Variants in EYA1 observed in about 807,000 individuals in gnomAD.
EYA1 encodes the protein protein phosphatase EYA1.
A neutral mutation model predicts 82.0 loss-of-function variants in EYA1; 16 were observed. The ratio of observed to expected loss-of-function variants is 0.20; its 90% CI spans 0.13 to 0.30. The LOEUF (loss-of-function observed/expected upper bound fraction) is 0.30. EYA1 is among the 10% of genes least tolerant of loss of function. The probability of loss-of-function intolerance (pLI) is 1.00; values close to 1 mark genes in which losing one functional copy is unlikely to be tolerated. For missense variants in EYA1, 633 were observed against 730.7 expected (o/e 0.87, Z 1.54); for synonymous variants, 261 against 264.4 (o/e 0.99, Z 0.12).
At chr8:71,545,913 CA>C (rs1037343160) in intron 1 of EYA1, among the ~76,000 whole-genome samples, 8 of 152,156 alleles carry the variant, frequency 5.3e-5, no homozygotes, top group African/African-American at 1.9e-4. Flanking sequence ...AAGGCCTTCA[CA>C]AATTCCAAAT....
intron 2 of EYA1, among the ~76,000 whole-genome samples, chr8:71,368,954 C>T (rs889126514): frequency 1.4e-5 from 2 of 148,036 alleles, no homozygotes; most frequent in African/African-American, 5.0e-5. Flanking sequence ...TTTGGGAGGT[C>T]GAGGCAGGTG....
chr8:71,215,374 A>C lies in EYA1; in HGVS notation c.1597+13T>G, dbSNP rs761460814. 11 of 1,611,464 alleles carry C rather than the reference A, an allele frequency of 6.8e-6. No homozygotes were observed. The highest frequency in any genetic ancestry group is 6.7e-5 in the Admixed American group (4 of 60,006). ...AAGAGCTGATTGTTAAAAAGAAAAGAAAAGCAGCTCACCTATTTTAGTTGC... is the reference window on the plus strand; with the variant it reads ...AAGAGCTGATTGTTAAAAAGAAAAGCAAAGCAGCTCACCTATTTTAGTTGC... On this transcript the variant is annotated intron_variant, in intron 16 of 17. Coordinates refer to ENST00000340726, the MANE Select transcript of EYA1 (RefSeq NM_000503.6).
intron 17 of EYA1, among the ~76,000 whole-genome samples, chr8:71,207,252 T>A (rs950292636): frequency 6.6e-6 from 1 of 152,228 alleles, no homozygotes; most frequent in Admixed American, 6.5e-5. Flanking sequence ...ACTTTAAAGA[T>A]ACTCATTATC....
At chr8:71,354,686 T>C (rs1187552304) in intron 3 of EYA1, 96 bp downstream of exon 3, 4 of 1,248,458 alleles carry the variant, frequency 3.2e-6, no homozygotes, top group Non-Finnish European at 3.5e-6. Context: ...AGTAGTTTTA[T>C]GATTTTGACA....
chr8:71,215,812 C>T, intron 14 of EYA1, 84 bp from the exon 15 acceptor site: 3 of 832,206 alleles, frequency 3.6e-6, no homozygotes, highest in Non-Finnish European at 2.0e-6. Flanking sequence ...TTAAAAAGTA[C>T]TATGAATACC....
intron 4 of EYA1, among the ~76,000 whole-genome samples, chr8:71,323,721 T>C (rs16937577): frequency 0.018 from 2,807 of 152,320 alleles, 81 homozygotes; most frequent in African/African-American, 0.064. Flanking sequence ...TTCCAGGTGC[T>C]GTGCTAGATG....
rs199702525 is a variant in EYA1, at chr8:71,405,715, C to T, written c.34-49204G>A. Among the ~76,000 whole-genome samples, 15 of 152,274 alleles carry T rather than the reference C, an allele frequency of 9.9e-5. No individual in the cohort carries two copies. In the East Asian group the frequency reaches 2.9e-3, roughly 29 times the overall value. The stretch of plus-strand genomic sequence containing the variant: ...TCCTTGGATATTAAGCTTCTATGAT[C>T]TGGGTGCTTTTCCGTTGTTATTTGA... On this transcript the variant is annotated intron_variant, in intron 2 of 18. Transcript: ENST00000643681.
intron 2 of EYA1, among the ~76,000 whole-genome samples, chr8:71,486,665 A>T (rs1425494669): frequency 2.0e-5 from 3 of 152,216 alleles, no homozygotes; most frequent in Admixed American, 2.0e-4. Context: ...GCCCAGAGCC[A>T]AGACCTGACA....
At chr8:71,209,762 G>A (rs768431669) in intron 17 of EYA1, among the ~76,000 whole-genome samples, 1 of 152,148 alleles carries the variant, frequency 6.6e-6, no homozygotes, top group East Asian at 1.9e-4. Flanking sequence ...GTGTAAGGAA[G>A]GGAATGGAAA....
chr8:71,287,601 T>C (rs1818528333), intron 9 of EYA1, among the ~76,000 whole-genome samples: 1 of 152,252 alleles, frequency 6.6e-6, no homozygotes, highest in South Asian at 2.1e-4. Flanking sequence ...ACCACTGGTT[T>C]AAGCTCCCCA....
rs367784729 is a variant in EYA1 at position 71,297,193 on chromosome 8, C to T, written c.826+1854G>A. On this transcript the variant is annotated intron_variant, in intron 9 of 17. Coordinates refer to ENST00000340726, the MANE Select transcript of EYA1 (RefSeq NM_000503.6). ...AATACAAGCTAAAATACATCATTCA[C>T]TCTTAAAACCATGGACCGATTTTGA... 3.9e-5 allele frequency among the ~76,000 whole-genome samples: 6 copies of T among 152,284 alleles called. No homozygotes were observed. In the East Asian group the frequency reaches 5.8e-4, roughly 15 times the overall value.
At chr8:71,504,470 T>C (rs1326773615) in intron 2 of EYA1, among the ~76,000 whole-genome samples, 1 of 152,230 alleles carries the variant, frequency 6.6e-6, no homozygotes, top group African/African-American at 2.4e-5. Context: ...TTTTTACTAC[T>C]GAAAATCATA....
At chr8:71,492,493 C>CT (rs1467599092) in intron 2 of EYA1, among the ~76,000 whole-genome samples, 19 of 146,692 alleles carry the variant, frequency 1.3e-4, no homozygotes, top group African/African-American at 4.8e-4. Flanking sequence ...GAGACGGAGT[C>CT]TCGCTCTGTT....
chr8:71,354,631 G>C, intron 3 of EYA1, 151 bp downstream of exon 3: 1 of 766,228 alleles, frequency 1.3e-6, no homozygotes, highest in African/African-American at 1.7e-5. Flanking sequence ...CTAACAATGA[G>C]TACTGATTGG....
chr8:71,365,241 T>C (rs1003152889), upstream of EYA1, among the ~76,000 whole-genome samples: 7 of 151,868 alleles, frequency 4.6e-5, no homozygotes, highest in Non-Finnish European at 1.0e-4. Context: ...ATTCCAATAA[T>C]GAAAATAAAA....
At chr8:71,201,755 C>T (rs1165593663) in intron 17 of EYA1, among the ~76,000 whole-genome samples, 2 of 152,160 alleles carry the variant, frequency 1.3e-5, no homozygotes, top group Non-Finnish European at 1.5e-5. Flanking sequence ...ATTTTAGACA[C>T]ATTTTAAAAG....
At chr8:71,350,003 C>T (rs1354266507) in intron 3 of EYA1, among the ~76,000 whole-genome samples, 1 of 152,018 alleles carries the variant, frequency 6.6e-6, no homozygotes, top group Non-Finnish European at 1.5e-5. Flanking sequence ...TCTTTTATGG[C>T]TTTTGTTTAA....
intron 11 of EYA1, among the ~76,000 whole-genome samples, chr8:71,245,189 C>G (rs1374823558): frequency 2.6e-5 from 4 of 152,106 alleles, no homozygotes; most frequent in Non-Finnish European, 4.4e-5. Context: ...CAGCCCAACA[C>G]AAATTCATAA....
intron 2 of EYA1, among the ~76,000 whole-genome samples, chr8:71,507,990 C>A (rs1408185388): frequency 1.3e-5 from 2 of 152,100 alleles, no homozygotes; most frequent in Non-Finnish European, 2.9e-5. Context: ...TCCACTATGG[C>A]CAACTTTGTC....
Sources: allele counts gnomAD v4.1 joint callset (sites outside exome capture counted in the v4.1 genomes callset), GRCh38; gene constraint gnomAD v4.1.1; transcripts MANE v1.5; gene names NCBI Gene and HGNC (gene_info 2026-07-23, HGNC 2026-07-21).